ATP6V1H: variants seen among roughly 807,000 people sequenced by gnomAD.
ATP6V1H encodes the protein V-type proton ATPase subunit H.
Under a neutral mutation model 71.7 loss-of-function variants are expected in ATP6V1H, and 39 were observed. The ratio of observed to expected loss-of-function variants is 0.54; its 90% CI spans 0.42 to 0.71. The LOEUF (loss-of-function observed/expected upper bound fraction) is 0.71. Ranked by LOEUF, ATP6V1H falls within the 30% of genes least tolerant of loss-of-function variation. The probability of loss-of-function intolerance (pLI) is 0.00; values close to 1 mark genes in which losing one functional copy is unlikely to be tolerated. For missense variants in ATP6V1H, 509 were observed against 594.9 expected, an observed-to-expected ratio of 0.86 and a Z score of 1.50; for synonymous variants, 192 against 199.3, an observed-to-expected ratio of 0.96 and a Z score of 0.31.
chr8:53,838,833 C>T (rs150142678), intron 2 of ATP6V1H, among the ~76,000 whole-genome samples: 17 of 152,250 alleles, frequency 1.1e-4, no homozygotes, highest in African/African-American at 2.9e-4. Context: ...CACTGGGGGA[C>T]GCTTCCACAG....
intron 8 of ATP6V1H, among the ~76,000 whole-genome samples, chr8:53,798,280 C>T (rs920066342): frequency 1.3e-5 from 2 of 152,004 alleles, no homozygotes; most frequent in African/African-American, 4.8e-5. Flanking sequence ...AATCCCAGCA[C>T]TTTGGGAGGC....
In ATP6V1H at chr8:53,743,705, G is replaced by C. The variant is rs1284704449; in HGVS notation, c.1278-15C>G. 6.3e-7 allele frequency: 1 copy of C among 1,577,156 alleles called. No homozygotes were observed. The highest frequency in any genetic ancestry group is 8.7e-7 in the Non-Finnish European group (1 of 1,151,298). On this transcript the variant is annotated splice_polypyrimidine_tract_variant and intron_variant, in intron 12 of 13. Coordinates refer to ENST00000359530, the MANE Select transcript of ATP6V1H (RefSeq NM_015941.4). ...GCTCGATGACCCTGCAAACGGGAGAGACGTGGTGAGGAAGATGCAATTACT... is the reference window on the plus strand; with the variant it reads ...GCTCGATGACCCTGCAAACGGGAGACACGTGGTGAGGAAGATGCAATTACT...
In ATP6V1H at chr8:53,756,644, T is replaced by C. The variant is rs777702604; in HGVS notation, c.1188A>G (p.Lys396=). The change falls in exon 12 of 14, where the codon AAA becomes AAG. Residue 396 remains lysine (K), a synonymous_variant. Transcript: ENST00000359530. ...KNYELLKILT[K]LLEVSDDPQV... Reference sequence around the variant, plus strand: ...GGGGATCATCTGACACTTCCAAAAGTTTTGTCAAGATTCTGAAATAAATTT... The same window carrying C: ...GGGGATCATCTGACACTTCCAAAAGCTTTGTCAAGATTCTGAAATAAATTT... 28 of 1,613,398 alleles carry C rather than the reference T, an allele frequency of 1.7e-5. 1 individual carries two copies. In the South Asian group the frequency reaches 3.0e-4, roughly 17 times the overall value.
chr8:53,786,379 T>C (rs560021322), intron 9 of ATP6V1H, among the ~76,000 whole-genome samples: 10 of 152,320 alleles, frequency 6.6e-5, no homozygotes, highest in Non-Finnish European at 1.0e-4. Flanking sequence ...TTGTTAAGCC[T>C]GTTGGAAAAG....
intron 2 of ATP6V1H, among the ~76,000 whole-genome samples, chr8:53,838,849 AT>A (rs1338086782): frequency 2.0e-5 from 3 of 152,194 alleles, no homozygotes; most frequent in African/African-American, 7.2e-5. Flanking sequence ...CACAGGTCTT[AT>A]TATCTCAGTA....
intron 13 of ATP6V1H, among the ~76,000 whole-genome samples, chr8:53,733,662 C>G (rs752141553): frequency 2.8e-4 from 43 of 152,196 alleles, no homozygotes; most frequent in Non-Finnish European, 3.8e-4. Flanking sequence ...TAAGACCAGA[C>G]AGCAGGTGAG....
chr8:53,807,996 C>A (rs1810145439), intron 7 of ATP6V1H, among the ~76,000 whole-genome samples: 1 of 152,152 alleles, frequency 6.6e-6, no homozygotes, highest in East Asian at 1.9e-4. Flanking sequence ...TCCACTAAAT[C>A]AAGAGGCAAG....
chr8:53,746,292 T>C (rs887823913), intron 12 of ATP6V1H, among the ~76,000 whole-genome samples: 2 of 151,580 alleles, frequency 1.3e-5, no homozygotes, highest in African/African-American at 2.4e-5. Context: ...GAGACAAGAA[T>C]CTTGCTTTGT....
intron 11 of ATP6V1H, among the ~76,000 whole-genome samples, chr8:53,768,428 C>T (rs1808541825): frequency 6.6e-6 from 1 of 152,124 alleles, no homozygotes; most frequent in Admixed American, 6.5e-5. Flanking sequence ...CAATTTCACA[C>T]CCAAGTATCT....
intron 9 of ATP6V1H, among the ~76,000 whole-genome samples, chr8:53,776,420 C>T (rs1013317692): frequency 3.9e-5 from 6 of 152,226 alleles, no homozygotes; most frequent in African/African-American, 1.4e-4. Context: ...GCGCTGAAAG[C>T]AAGCGAGGGC....
intron 9 of ATP6V1H, among the ~76,000 whole-genome samples, chr8:53,786,124 A>G (rs1023016456): frequency 2.3e-4 from 35 of 152,178 alleles, no homozygotes; most frequent in South Asian, 2.1e-4. Context: ...TGTCTGTGCC[A>G]TGCCCCCAGA....
chr8:53,829,722 T>G (rs954148908), intron 3 of ATP6V1H, among the ~76,000 whole-genome samples, 189 bp from the exon 4 acceptor site: 1 of 152,200 alleles, frequency 6.6e-6, no homozygotes, highest in African/African-American at 2.4e-5. Context: ...ATGGCTTGTA[T>G]CAGCTTGTGA....
chr8:53,758,967 A>C (rs1692719554), intron 11 of ATP6V1H, among the ~76,000 whole-genome samples: 1 of 152,244 alleles, frequency 6.6e-6, no homozygotes, highest in Non-Finnish European at 1.5e-5. Context: ...AACTATTCTC[A>C]GTGACTTAAG....
rs80138801 is a variant in ATP6V1H, at chr8:53,772,594, C to T, written c.871-427G>A. On this transcript the variant is annotated intron_variant, in intron 9 of 13. Transcript: ENST00000359530. ...AGTTCCCAGTCTGTCACCATTTTCC[C>T]CCATCTCTAATCAACCTGTAAGCAC... Among the ~76,000 whole-genome samples the T allele has an allele frequency of 6.4e-3, 968 of 152,176 alleles. 5 individuals carry two copies. The highest frequency in any genetic ancestry group is 0.022 in the African/African-American group (906 of 41,520).
chr8:53,725,736 A>C (rs1004506064), intron 13 of ATP6V1H, among the ~76,000 whole-genome samples: 1 of 151,962 alleles, frequency 6.6e-6, no homozygotes, highest in Non-Finnish European at 1.5e-5. Flanking sequence ...CAACTGGGAG[A>C]TTAGCACAAT....
chr8:53,756,932 T>C (rs1808088463), intron 11 of ATP6V1H, among the ~76,000 whole-genome samples: 1 of 152,148 alleles, frequency 6.6e-6, no homozygotes, highest in South Asian at 2.1e-4. Flanking sequence ...AAAAGTTATT[T>C]TAACACAAAA....
intron 5 of ATP6V1H, 72 bp from the exon 6 acceptor site, chr8:53,814,838 G>T (rs988233066): frequency 2.9e-6 from 3 of 1,017,888 alleles, no homozygotes; most frequent in Non-Finnish European, 4.4e-6. Flanking sequence ...TTAAAAAAAG[G>T]ATTTGTAACA....
Position 53,832,966 on chromosome 8 carries a change from A to G in ATP6V1H, c.216+18T>C. 1 of 1,550,418 alleles carries G rather than the reference A, an allele frequency of 6.4e-7. No individual in the cohort carries two copies. The highest frequency in any genetic ancestry group is 8.9e-7 in the Non-Finnish European group (1 of 1,123,884). On this transcript the variant is annotated intron_variant, in intron 3 of 13. Coordinates refer to ENST00000359530, the MANE Select transcript of ATP6V1H (RefSeq NM_015941.4). ...GATGACACGGGGAAGTGTTCATTAT[A>G]TAATGTTTATTCATCACCTGGCTGC...
At chr8:53,774,328 G>A (rs2130331796) in intron 9 of ATP6V1H, among the ~76,000 whole-genome samples, 1 of 152,312 alleles carries the variant, frequency 6.6e-6, no homozygotes, top group East Asian at 1.9e-4. Flanking sequence ...GGTAAACTTC[G>A]AGACTATTAA....
Sources: allele counts gnomAD v4.1 joint callset (sites outside exome capture counted in the v4.1 genomes callset), GRCh38; gene constraint gnomAD v4.1.1; transcripts MANE v1.5; gene names NCBI Gene and HGNC (gene_info 2026-07-23, HGNC 2026-07-21).